TMEM231: variants seen among roughly 807,000 people sequenced by gnomAD.
TMEM231 encodes transmembrane protein 231.
A neutral mutation model predicts 38.5 loss-of-function variants in TMEM231; 40 were observed. The ratio of observed to expected loss-of-function variants is 1.04; its 90% CI spans 0.81 to 1.35. The LOEUF is 1.35. TMEM231 is among the 40% of genes most tolerant of loss of function. TMEM231 has a pLI of 0.00. For missense variants in TMEM231, 420 were observed against 416.9 expected, an observed-to-expected ratio of 1.01 and a Z score of -0.07; for synonymous variants, 199 against 181.7, an observed-to-expected ratio of 1.10 and a Z score of -0.77.
intron 2 of TMEM231, among the ~76,000 whole-genome samples, chr16:75,551,338 T>C (rs975934937): frequency 1.3e-5 from 2 of 152,140 alleles, no homozygotes; most frequent in African/African-American, 4.8e-5. Flanking sequence ...GCTGGGACTA[T>C]AGGCATTCAC....
At chr16:75,549,427 T>C (rs1288300340) in intron 2 of TMEM231, among the ~76,000 whole-genome samples, 1 of 152,216 alleles carries the variant, frequency 6.6e-6, no homozygotes, top group East Asian at 1.9e-4. Context: ...TATCCATTCA[T>C]TGTCCCACGT....
intron 3 of TMEM231, 136 bp downstream of exon 3, chr16:75,545,690 A>C: frequency 1.8e-6 from 1 of 567,094 alleles, no homozygotes. Context: ...AAACCATTCC[A>C]TTGGCCTAAG....
chr16:75,556,120 G>C lies in TMEM231; in HGVS notation c.90C>G (p.Ala30=). The C allele has an allele frequency of 6.3e-7, 1 of 1,575,476 alleles. No individual in the cohort carries two copies. Among genetic ancestry groups the C allele is most frequent in the Non-Finnish European group, 8.6e-7 (1 of 1,162,340 alleles). The part of the protein sequence containing the change: ...CSKAALFLLL[A]AALTYIPPLL... ...GCGGCGGGATGTACGTGAGCGCAGC[G>C]GCCAGCAGCAGGAACAGCGCGGCTT... Residue 30 remains alanine, a synonymous_variant, in exon 1 of 7, where the codon GCC becomes GCG. Coordinates refer to ENST00000258173, the MANE Select transcript of TMEM231 (RefSeq NM_001077418.3).
intron 2 of TMEM231, among the ~76,000 whole-genome samples, chr16:75,550,448 G>A (rs1345676380): frequency 1.3e-5 from 2 of 152,186 alleles, no homozygotes; most frequent in Non-Finnish European, 2.9e-5. Context: ...AACCTAACAG[G>A]AAGCTGCAGG....
chr16:75,542,762 G>A, intron 4 of TMEM231, 79 bp from the exon 5 acceptor site: 2 of 1,320,192 alleles, frequency 1.5e-6, no homozygotes, highest in Non-Finnish European at 2.2e-6. Context: ...GCCCACCCAG[G>A]CTGGTCCCAC....
At chr16:75,550,104 G>A (rs904465885) in intron 2 of TMEM231, among the ~76,000 whole-genome samples, 4 of 152,208 alleles carry the variant, frequency 2.6e-5, no homozygotes, top group Admixed American at 1.3e-4. Context: ...GATAGTAGCT[G>A]CAGGGAACAT....
rs781532766 is a variant in TMEM231, at chr16:75,541,443, A to C, written c.677T>G (p.Leu226Arg). 6.2e-7 allele frequency: 1 copy of C among 1,606,552 alleles called. No homozygotes were observed. The highest frequency in any genetic ancestry group is 8.5e-7 in the Non-Finnish European group (1 of 1,175,492). ...CAGCCAGATGGGGTTGGGATCATTCAGGACGGTGGTAACTGCAATGCAATC... is the reference window on the plus strand; with the variant it reads ...CAGCCAGATGGGGTTGGGATCATTCCGGACGGTGGTAACTGCAATGCAATC... Reference protein sequence around the residue: ...AYQERNVTTVLNDPNPIWLVG... With the variant: ...AYQERNVTTVRNDPNPIWLVG... The change falls in exon 6 of 7, where the codon CTG becomes CGG. Residue 226 changes from leucine (L) to arginine (R), a missense_variant. Coordinates refer to ENST00000258173, the MANE Select transcript of TMEM231 (RefSeq NM_001077418.3).
Position 75,556,156 on chromosome 16 carries a change from C to A in TMEM231, c.54G>T (p.Gly18=). The A allele has an allele frequency of 6.4e-7, 1 of 1,556,294 alleles. No individual in the cohort carries two copies. Among genetic ancestry groups the A allele is most frequent in the South Asian group, 1.2e-5 (1 of 83,430 alleles). ...GGAACAGCGCGGCTTTGGAGCAGAG[C>A]CCCGCGCGGTAACTGCGCTCGACCG... ...SHPVERSYRA[G]LCSKAALFLL... Residue 18 remains glycine, a synonymous_variant, in exon 1 of 7, where the codon GGG becomes GGT. Coordinates refer to ENST00000258173, the MANE Select transcript of TMEM231 (RefSeq NM_001077418.3).
chr16:75,544,948 T>TTCTC, intron 4 of TMEM231, among the ~76,000 whole-genome samples: 1 of 80,250 alleles, frequency 1.2e-5, no homozygotes, highest in Non-Finnish European at 2.1e-5. Context: ...CTTTTCTTTT[T>TTCTC]CTTTTTTTTT....
At chr16:75,546,676 C>T (rs894715487) in intron 2 of TMEM231, among the ~76,000 whole-genome samples, 5 of 152,146 alleles carry the variant, frequency 3.3e-5, no homozygotes, top group African/African-American at 4.8e-5. Context: ...CTCCTGACCT[C>T]GGGTGATCCG....
At chr16:75,553,076 A>T (rs2080779137) in intron 2 of TMEM231, among the ~76,000 whole-genome samples, 1 of 152,324 alleles carries the variant, frequency 6.6e-6, no homozygotes, top group Middle Eastern at 3.4e-3. Flanking sequence ...AGCTGACCAA[A>T]GCAGAAGCAA....
intron 2 of TMEM231, 175 bp from the exon 3 acceptor site, chr16:75,546,129 C>G: frequency 6.5e-7 from 1 of 1,532,052 alleles, no homozygotes; most frequent in Non-Finnish European, 8.8e-7. Context: ...GGGAGAGACA[C>G]AAAGTGCATG....
At chr16:75,548,090 C>A (rs1597044145) in intron 2 of TMEM231, among the ~76,000 whole-genome samples, 1 of 152,104 alleles carries the variant, frequency 6.6e-6, no homozygotes, top group Non-Finnish European at 1.5e-5. Context: ...ACACAGATGA[C>A]AAAATCAAGG....
Position 75,540,092 on chromosome 16 carries a change from C to G in TMEM231, c.853G>C (p.Glu285Gln). 9 of 1,613,824 alleles carry G rather than the reference C, an allele frequency of 5.6e-6. No individual in the cohort carries two copies. The highest frequency in any genetic ancestry group is 7.6e-6 in the Non-Finnish European group (9 of 1,179,788). Residue 285 changes from glutamate (E) to glutamine (Q), a missense_variant, in exon 7 of 7, where the codon GAA (glutamate) becomes CAA (glutamine). Glu to Gln is a conservative substitution (Grantham distance 29). Coordinates refer to ENST00000258173, the MANE Select transcript of TMEM231 (RefSeq NM_001077418.3). ...SILLIFLWVF[E>Q]RIKIFVFQNQ... ...TGAAACACGAAGATCTTGATTCTTT[C>G]AAACACCCAGAGGAAGATAAGCAGG... is the stretch of plus-strand genomic sequence containing the variant.
intron 4 of TMEM231, among the ~76,000 whole-genome samples, chr16:75,544,783 G>A (rs959908884): frequency 1.3e-5 from 2 of 152,060 alleles, no homozygotes; most frequent in Non-Finnish European, 2.9e-5. Flanking sequence ...AAAGCAATAA[G>A]CAATTTAGTT....
rs370871046 is a variant in TMEM231, at chr16:75,553,527, C to T, written c.309+2277G>A. Among the ~76,000 whole-genome samples, 146 of 147,370 alleles carry T rather than the reference C, an allele frequency of 9.9e-4. 1 individual carries two copies. The highest frequency in any genetic ancestry group is 3.3e-3 in the African/African-American group (132 of 40,116). ...GTCCCAGCTACTTGGAAGGCTGAGG[C>T]GAGAGGATTGCTTGAACCCAGAAGG... On this transcript the variant is annotated intron_variant, in intron 2 of 6. Transcript: ENST00000258173.
chr16:75,555,863 T>C lies in TMEM231; in HGVS notation c.250A>G (p.Ser84Gly). Residue 84 changes from serine (S) to glycine (G), a missense_variant, in exon 2 of 7, where the codon AGC becomes GGC. Physicochemically the swap from Ser to Gly is moderately conservative, Grantham distance 56 (BLOSUM62 0). Coordinates refer to ENST00000258173, the MANE Select transcript of TMEM231 (RefSeq NM_001077418.3). ...AGCCGGTTGAAGGCGGGGAACGTGC[T>C]CCAGGCGAGGAACCCGTCGCTTTCG... Reference protein sequence around the residue: ...GPESDGFLAWSTFPAFNRLQG... With the variant: ...GPESDGFLAWGTFPAFNRLQG... 1 of 1,588,186 alleles carries C rather than the reference T, an allele frequency of 6.3e-7. No homozygotes were observed. Among genetic ancestry groups the C allele is most frequent in the Non-Finnish European group, 8.6e-7 (1 of 1,167,684 alleles).
Position 75,545,167 on chromosome 16 carries a change from A to G in TMEM231, c.582+185T>C, listed in dbSNP as rs376661195. Among the ~76,000 whole-genome samples the G allele has an allele frequency of 1.4e-4, 21 of 151,636 alleles. No homozygotes were observed. The East Asian group carries it at 2.9e-3, about 21-fold the overall frequency. ...GACAGGGTTTCACCAGGTTGGCCAG[A>G]CTGGTTTCAAACTCCGGACCTCAAG... On this transcript the variant is annotated intron_variant, in intron 4 of 6. Coordinates refer to ENST00000258173, the MANE Select transcript of TMEM231 (RefSeq NM_001077418.3).
At chr16:75,553,735 C>G (rs960369006) in intron 2 of TMEM231, among the ~76,000 whole-genome samples, 7 of 151,802 alleles carry the variant, frequency 4.6e-5, no homozygotes, top group Non-Finnish European at 8.8e-5. Context: ...GTTGCCCACA[C>G]TGGCCTTGAA....
Sources: allele counts gnomAD v4.1 joint callset (sites outside exome capture counted in the v4.1 genomes callset), GRCh38; gene constraint gnomAD v4.1.1; transcripts MANE v1.5; gene names NCBI Gene and HGNC (gene_info 2026-07-23, HGNC 2026-07-21).